ELMO1: variants seen among roughly 807,000 people sequenced by gnomAD.
The protein encoded by ELMO1 is engulfment and cell motility 1.
Under a neutral mutation model 98.9 loss-of-function variants are expected in ELMO1, and 26 were observed. That is an observed-to-expected ratio of 0.26 (90% confidence interval 0.19 to 0.36). The LOEUF (loss-of-function observed/expected upper bound fraction) is 0.36, where lower values mean the gene tolerates loss of function less well. Among genes scored for constraint, ELMO1 ranks in the 10% least tolerant of loss-of-function variants. ELMO1 has a pLI of 1.00. For synonymous variants in ELMO1, 346 were observed against 346.0 expected, an observed-to-expected ratio of 1.00 and a Z score of 0.00; for missense variants, 627 against 935.2, an observed-to-expected ratio of 0.67 and a Z score of 4.30.
At chr7:37,033,483 G>T in intron 15 of ELMO1, 3 of 412,316 alleles carry the variant, frequency 7.3e-6, no homozygotes, top group Non-Finnish European at 1.4e-5. Context: ...TAGGCCATGT[G>T]TTTAGTGTTA....
chr7:37,035,074 T>C (rs185671320), intron 15 of ELMO1, among the ~76,000 whole-genome samples: 53 of 152,306 alleles, frequency 3.5e-4, no homozygotes, highest in African/African-American at 1.3e-3. Flanking sequence ...TCCTTTCCAA[T>C]AGATTCCTTG....
intron 2 of ELMO1, among the ~76,000 whole-genome samples, chr7:37,329,325 A>T (rs893323087): frequency 6.6e-6 from 1 of 152,208 alleles, no homozygotes; most frequent in African/African-American, 2.4e-5. Flanking sequence ...TGATATTTTG[A>T]TACATGTGTA....
chr7:36,863,788 GATAGGTC>G (rs1802816549), intron 20 of ELMO1, among the ~76,000 whole-genome samples: 1 of 152,178 alleles, frequency 6.6e-6, no homozygotes, highest in Admixed American at 6.5e-5. Context: ...ATGGTAAGGT[GATAGGTC>G]ATAGGTCATT....
intron 15 of ELMO1, among the ~76,000 whole-genome samples, chr7:37,052,347 A>G (rs1304576285): frequency 1.3e-5 from 2 of 152,242 alleles, no homozygotes; most frequent in East Asian, 3.8e-4. Context: ...GTTAGTTTAA[A>G]GAACTGCTAT....
rs949891059 is a variant in ELMO1, at chr7:37,165,015, G to T, written c.1087-31781C>A. Among the ~76,000 whole-genome samples, 12 of 151,954 alleles carry T rather than the reference G, an allele frequency of 7.9e-5. No homozygotes were observed. The East Asian group carries it at 9.6e-4, about 12-fold the overall frequency. The stretch of plus-strand genomic sequence containing the variant: ...TGTTTGTATCCTTTTATTTCATTGA[G>T]CAGTGCTTTGTAGTTCTCCTTGAAG... On this transcript the variant is annotated intron_variant, in intron 13 of 21. Coordinates refer to ENST00000310758, the MANE Select transcript of ELMO1 (RefSeq NM_014800.11).
intron 13 of ELMO1, among the ~76,000 whole-genome samples, chr7:37,182,462 CTTTTTTTTTTT>C (rs59657539): frequency 2.7e-4 from 4 of 14,706 alleles, no homozygotes; most frequent in African/African-American, 5.3e-4. Context: ...TTGTGCTCTA[CTTTTTTTTTTT>C]TTTTTTTTTT....
At chr7:37,080,104 T>A (rs1384554844) in intron 15 of ELMO1, among the ~76,000 whole-genome samples, 1 of 152,110 alleles carries the variant, frequency 6.6e-6, no homozygotes, top group African/African-American at 2.4e-5. Flanking sequence ...CTCCTCTTAT[T>A]CCCCACTCCA....
At chr7:37,170,255 T>C (rs1284794729) in intron 13 of ELMO1, among the ~76,000 whole-genome samples, 1 of 152,230 alleles carries the variant, frequency 6.6e-6, no homozygotes, top group Non-Finnish European at 1.5e-5. Flanking sequence ...TGGGTAGAAT[T>C]TCACAATGAA....
At chr7:37,139,521 A>C (rs534605377) in intron 13 of ELMO1, among the ~76,000 whole-genome samples, 1 of 152,326 alleles carries the variant, frequency 6.6e-6, no homozygotes, top group African/African-American at 2.4e-5. Context: ...GAGGTGAAAG[A>C]CCTCTACAAG....
intron 21 of ELMO1, among the ~76,000 whole-genome samples, chr7:36,859,050 C>T (rs764802950): frequency 1.4e-4 from 22 of 152,036 alleles, no homozygotes; most frequent in Non-Finnish European, 2.8e-4. Context: ...CCTGTTTTTC[C>T]CAATAAATAA....
chr7:37,187,046 A>C (rs1230380301), intron 13 of ELMO1, among the ~76,000 whole-genome samples: 1 of 152,232 alleles, frequency 6.6e-6, no homozygotes, highest in Non-Finnish European at 1.5e-5. Context: ...CTAAAACTAG[A>C]AACAACCCAA....
At chr7:37,412,045 AAC>A (rs972500521) in intron 1 of ELMO1, among the ~76,000 whole-genome samples, 6 of 151,990 alleles carry the variant, frequency 3.9e-5, no homozygotes, top group Non-Finnish European at 8.8e-5. Flanking sequence ...CACACACAAA[AAC>A]ACACACACAC....
intron 15 of ELMO1, among the ~76,000 whole-genome samples, chr7:37,026,266 A>G (rs940813061): frequency 6.6e-6 from 1 of 152,194 alleles, no homozygotes; most frequent in African/African-American, 2.4e-5. Context: ...AAGACCCAGT[A>G]AGAACTGTGT....
At chr7:37,100,195 A>C (rs1256437449) in intron 14 of ELMO1, among the ~76,000 whole-genome samples, 1 of 152,158 alleles carries the variant, frequency 6.6e-6, no homozygotes, top group Non-Finnish European at 1.5e-5. Flanking sequence ...ACTTTGGTCA[A>C]TTTCTTCTGT....
At chr7:37,413,387 C>G (rs1804074794) in intron 1 of ELMO1, among the ~76,000 whole-genome samples, 1 of 152,142 alleles carries the variant, frequency 6.6e-6, no homozygotes, top group Non-Finnish European at 1.5e-5. Flanking sequence ...ACCAGGAAGG[C>G]TAAGGAAGTC....
At chr7:37,341,616 C>T (rs2700991) in intron 2 of ELMO1, among the ~76,000 whole-genome samples, 1 of 152,050 alleles carries the variant, frequency 6.6e-6, no homozygotes, top group East Asian at 1.9e-4. Flanking sequence ...TGAGCTGACC[C>T]GTATAATTCA....
At chr7:37,194,065 G>C (rs1410684154) in intron 13 of ELMO1, among the ~76,000 whole-genome samples, 1 of 152,130 alleles carries the variant, frequency 6.6e-6, no homozygotes, top group Non-Finnish European at 1.5e-5. Context: ...ATGAAGACTG[G>C]AGTCCCATGT....
At chr7:37,137,582 G>A (rs1787353636) in intron 13 of ELMO1, among the ~76,000 whole-genome samples, 1 of 151,686 alleles carries the variant, frequency 6.6e-6, no homozygotes, top group Non-Finnish European at 1.5e-5. Flanking sequence ...TCTGTCACCA[G>A]GCTGGAATAC....
intron 4 of ELMO1, among the ~76,000 whole-genome samples, chr7:37,289,121 T>A (rs1019408896): frequency 6.6e-6 from 1 of 152,222 alleles, no homozygotes; most frequent in Non-Finnish European, 1.5e-5. Flanking sequence ...TGGTGCCTGG[T>A]ATATCAAATG....
Sources: allele counts gnomAD v4.1 joint callset (sites outside exome capture counted in the v4.1 genomes callset), GRCh38; gene constraint gnomAD v4.1.1; transcripts MANE v1.5; gene names NCBI Gene and HGNC (gene_info 2026-07-23, HGNC 2026-07-21).